PRSS21: variants seen among roughly 807,000 people sequenced by gnomAD.
The protein encoded by PRSS21 is serine protease 21.
In PRSS21, 40 loss-of-function variants were observed where a neutral mutation model predicts 31.1. The observed-to-expected ratio is 1.29, with a 90% CI of 1.00 to 1.68. The LOEUF (loss-of-function observed/expected upper bound fraction) is 1.68, where lower values mean the gene tolerates loss of function less well. PRSS21 is among the 40% of genes most tolerant of loss of function. The pLI, the probability that PRSS21 is intolerant of heterozygous loss-of-function variation, is 0.00. For synonymous variants in PRSS21, 186 were observed against 167.7 expected (o/e 1.11, Z -0.84); for missense variants, 467 against 412.6 (o/e 1.13, Z -1.14).
Position 2,818,806 on chromosome 16 carries a change from C to A in PRSS21, c.387C>A (p.Arg129=). 1 of 1,613,732 alleles carries A rather than the reference C, an allele frequency of 6.2e-7. No homozygotes were observed. The highest frequency in any genetic ancestry group is 8.5e-7 in the Non-Finnish European group (1 of 1,179,546). The change falls in exon 4 of 6, where the codon CGC becomes CGA. Residue 129 remains arginine, a synonymous_variant. Transcript: ENST00000005995. ...YFVSNIYLSP[R]YLGNSPYDIA... is the part of the protein sequence containing the mutation. ...TATCGAATATCTATCTGAGCCCTCG[C>A]TACCTGGGGAATTCACCCTATGACA...
In PRSS21 at chr16:2,817,807, G is replaced by A; in HGVS notation, c.98G>A (p.Cys33Tyr). The A allele has an allele frequency of 2.6e-6, 4 of 1,549,822 alleles. No homozygotes were observed. The highest frequency in any genetic ancestry group is 1.7e-4 in the Middle Eastern group (1 of 5,990). ...SQEAAPLSGP[C>Y]GRRVITSRIV... is the part of the protein sequence containing the mutation. ...GTTCCTCTGACCATCCGAGGACCAT[G>A]CGGCCGACGGGTCATCACGTCGCGC... is the stretch of plus-strand genomic sequence containing the variant. Residue 33 changes from cysteine to tyrosine, a missense_variant, in exon 3 of 6, where the codon TGC (cysteine) becomes TAC (tyrosine). Coordinates refer to ENST00000005995, the MANE Select transcript of PRSS21 (RefSeq NM_006799.4). This position sits in a 1 kb window ranked among gnomAD's most constrained non-coding sequence, Gnocchi z 4.2.
rs1445156211 is a variant in PRSS21 at position 2,821,703 on chromosome 16, C to T, written c.*98C>T. On this transcript the variant is annotated 3_prime_UTR_variant, in exon 6 of 6. Coordinates refer to ENST00000005995, the MANE Select transcript of PRSS21 (RefSeq NM_006799.4). ...TAAACACATTCCAGTTGATGCCTTG[C>T]AGGGCATTCTTCAAAAGCAGTGGCT... is the stretch of plus-strand genomic sequence containing the variant. 3 of 1,455,970 alleles carry T rather than the reference C, an allele frequency of 2.1e-6. No homozygotes were observed. Among genetic ancestry groups the T allele is most frequent in the Non-Finnish European group, 2.8e-6 (3 of 1,077,478 alleles). 90.2% of individuals were successfully genotyped at this position (1,455,970 alleles called of 1,614,324 possible).
chr16:2,821,035 T>C lies in PRSS21; in HGVS notation c.631T>C (p.Tyr211His), dbSNP rs757145453. The change falls in exon 5 of 6, where the codon TAC becomes CAC. Residue 211 changes from tyrosine (Y) to histidine (H), a missense_variant. By Grantham distance (83) the Tyr-to-His change is moderately conservative. Coordinates refer to ENST00000005995, the MANE Select transcript of PRSS21 (RefSeq NM_006799.4). ...NSMCNHLFLK[Y>H]SFRKDIFGDM... ...TATGTGCAACCACCTCTTCCTCAAGTACAGTTTCCGCAAGGACATCTTTGG... is the reference window on the plus strand; with the variant it reads ...TATGTGCAACCACCTCTTCCTCAAGCACAGTTTCCGCAAGGACATCTTTGG... The C allele has an allele frequency of 6.2e-7, 1 of 1,614,026 alleles. No individual in the cohort carries two copies. Among genetic ancestry groups the C allele is most frequent in the Admixed American group, 1.7e-5 (1 of 60,006 alleles).
At position 2,817,774 on chromosome 16, in the gene PRSS21, GC is replaced by G. The variant is rs1567272958; in HGVS notation, c.92-26del. On this transcript the variant is annotated intron_variant, in intron 2 of 5. Coordinates refer to ENST00000005995, the MANE Select transcript of PRSS21 (RefSeq NM_006799.4). This position sits in a 1 kb window ranked among gnomAD's most constrained non-coding sequence, Gnocchi z 4.2. ...CGGGCTTGGGGGGCTGCCTCCCGCGGCTCAGCAGTTCCTCTGACCATCCGAG... is the reference window on the plus strand; with the variant it reads ...CGGGCTTGGGGGGCTGCCTCCCGCGGTCAGCAGTTCCTCTGACCATCCGAG... 2 of 1,542,582 alleles carry G rather than the reference GC, an allele frequency of 1.3e-6. No homozygotes were observed. Among genetic ancestry groups the G allele is most frequent in the Non-Finnish European group, 1.8e-6 (2 of 1,142,592 alleles).
chr16:2,820,150 G>A (rs746972194), intron 4 of PRSS21, among the ~76,000 whole-genome samples: 2 of 152,206 alleles, frequency 1.3e-5, no homozygotes, highest in African/African-American at 2.4e-5. Flanking sequence ...TGCCCTGCGC[G>A]GGCTGGGAGG....
At position 2,821,484 on chromosome 16, in the gene PRSS21, G is replaced by A; in HGVS notation, c.824G>A (p.Ser275Asn). 1 of 1,614,242 alleles carries A rather than the reference G, an allele frequency of 6.2e-7. No individual in the cohort carries two copies. The highest frequency in any genetic ancestry group is 8.5e-7 in the Non-Finnish European group (1 of 1,180,048). Residue 275 changes from serine (S) to asparagine (N), a missense_variant, in exon 6 of 6, where the codon AGC becomes AAC. Ser to Asn is a conservative substitution (Grantham distance 46). Transcript: ENST00000005995. ...CGGCCCGGTGTCTACACCAATATCA[G>A]CCACCACTTTGAGTGGATCCAGAAG... is the stretch of plus-strand genomic sequence containing the variant. ...PNRPGVYTNISHHFEWIQKLM... is the reference protein window; with the variant it reads ...PNRPGVYTNINHHFEWIQKLM...
chr16:2,821,189 G>T (rs1020470113), intron 5 of PRSS21, 80 bp downstream of exon 5: 2 of 1,575,078 alleles, frequency 1.3e-6, no homozygotes, highest in African/African-American at 2.7e-5. Flanking sequence ...TGCCAACCCC[G>T]GGAGGTGGAG....
rs377254300 is a variant in PRSS21, at chr16:2,821,436, G to T, written c.776G>T (p.Gly259Val). The part of the protein sequence containing the change: ...LWYQIGVVSW[G>V]VGCGRPNRPG... ...TATCAGATTGGAGTCGTGAGCTGGG[G>T]AGTGGGCTGTGGTCGGCCCAATCGG... The change falls in exon 6 of 6, where the codon GGA becomes GTA. Residue 259 changes from glycine to valine, a missense_variant. Gly to Val is a moderately radical substitution (Grantham distance 109, BLOSUM62 -3). Transcript: ENST00000005995. 3.7e-6 allele frequency: 6 copies of T among 1,614,132 alleles called. No individual in the cohort carries two copies. Among genetic ancestry groups the T allele is most frequent in the Non-Finnish European group, 5.1e-6 (6 of 1,180,038 alleles).
In PRSS21 at chr16:2,821,006, A is replaced by C. The variant is rs1227296916; in HGVS notation, c.602A>C (p.Asn201Thr). 3 of 1,613,840 alleles carry C rather than the reference A, an allele frequency of 1.9e-6. No individual in the cohort carries two copies. Among genetic ancestry groups the C allele is most frequent in the East Asian group, 4.5e-5 (2 of 44,868 alleles). Reference sequence around the variant, plus strand: ...GAAGTTCAGGTCGCCATCATAAACAACTCTATGTGCAACCACCTCTTCCTC... The same window carrying C: ...GAAGTTCAGGTCGCCATCATAAACACCTCTATGTGCAACCACCTCTTCCTC... ...LQEVQVAIIN[N>T]SMCNHLFLKY... Residue 201 changes from asparagine (N) to threonine (T), a missense_variant, in exon 5 of 6, where the codon AAC becomes ACC. Physicochemically the swap from Asn to Thr is moderately conservative, Grantham distance 65. Coordinates refer to ENST00000005995, the MANE Select transcript of PRSS21 (RefSeq NM_006799.4).
intron 4 of PRSS21, 98 bp downstream of exon 4, chr16:2,819,067 C>A: frequency 1.5e-6 from 2 of 1,350,308 alleles, no homozygotes; most frequent in South Asian, 1.4e-5. Context: ...GGGGTGCAGG[C>A]TATGCCCCTC....
chr16:2,817,646 G>A lies in PRSS21; in HGVS notation c.92-155G>A, dbSNP rs2069098920. On this transcript the variant is annotated intron_variant, in intron 2 of 5. Transcript: ENST00000005995. This position sits in a 1 kb window ranked among gnomAD's most constrained non-coding sequence, Gnocchi z 4.2. ...GCGGGCCCTGCAGAGCACGTGGGAGGATCTCCAGTGTCACCTACTTCCTGC... is the reference window on the plus strand; with the variant it reads ...GCGGGCCCTGCAGAGCACGTGGGAGAATCTCCAGTGTCACCTACTTCCTGC... 1 of 1,256,202 alleles carries A rather than the reference G, an allele frequency of 8.0e-7. No individual in the cohort carries two copies. The highest frequency in any genetic ancestry group is 1.1e-6 in the Non-Finnish European group (1 of 919,552). 77.8% of individuals were successfully genotyped at this position (1,256,202 alleles called of 1,614,324 possible).
intron 5 of PRSS21, 83 bp from the exon 6 acceptor site, chr16:2,821,283 G>T: frequency 6.4e-7 from 1 of 1,565,160 alleles, no homozygotes; most frequent in Non-Finnish European, 8.7e-7. Flanking sequence ...AGTCTACCCA[G>T]CCCCATAGCC....
chr16:2,818,844 A>C lies in PRSS21; in HGVS notation c.425A>C (p.Lys142Thr). Residue 142 changes from lysine (K) to threonine (T), a missense_variant, in exon 4 of 6, where the codon AAG becomes ACG. Physicochemically the swap from Lys to Thr is moderately conservative, Grantham distance 78. Coordinates refer to ENST00000005995, the MANE Select transcript of PRSS21 (RefSeq NM_006799.4). ...GNSPYDIALV[K>T]LSAPVTYTKH... Reference sequence around the variant, plus strand: ...TCACCCTATGACATTGCCTTGGTGAAGCTGTCTGCACCTGTCACCTACACT... The same window carrying C: ...TCACCCTATGACATTGCCTTGGTGACGCTGTCTGCACCTGTCACCTACACT... The C allele has an allele frequency of 6.2e-7, 1 of 1,613,914 alleles. No individual in the cohort carries two copies. The highest frequency in any genetic ancestry group is 8.5e-7 in the Non-Finnish European group (1 of 1,179,770).
Position 2,817,724 on chromosome 16 carries a change from G to C in PRSS21, c.92-77G>C. ...GGCAAAAACGTGCTTTCCCGGACGGGGTTGAAGGGGAGAAAGGGAGAGGTC... is the reference window on the plus strand; with the variant it reads ...GGCAAAAACGTGCTTTCCCGGACGGCGTTGAAGGGGAGAAAGGGAGAGGTC... On this transcript the variant is annotated intron_variant, in intron 2 of 5. Transcript: ENST00000005995. The surrounding 1 kb of genome is among the most constrained non-coding windows in gnomAD (Gnocchi z 4.2). The C allele has an allele frequency of 4.0e-6, 6 of 1,508,120 alleles. No individual in the cohort carries two copies. The highest frequency in any genetic ancestry group is 5.3e-6 in the Non-Finnish European group (6 of 1,124,218). The allele number at this position is 1,508,120 out of a possible 1,614,324, so 93.4% of individuals were successfully genotyped here.
In PRSS21 at chr16:2,817,527, T is replaced by TGGGGGGGGGGGGGGGGGGGGGG. The variant is rs2069096086; in HGVS notation, c.91+71_91+72insGGGGGGGGGGGGGGGGGGGGGG. 1 of 605,594 alleles carries TGGGGGGGGGGGGGGGGGGGGGG rather than the reference T, an allele frequency of 1.7e-6. No individual in the cohort carries two copies. Among genetic ancestry groups the TGGGGGGGGGGGGGGGGGGGGGG allele is most frequent in the African/African-American group, 5.1e-5 (1 of 19,520 alleles). 37.5% of individuals were successfully genotyped at this position (605,594 alleles called of 1,614,324 possible). On this transcript the variant is annotated intron_variant, in intron 2 of 5. Transcript: ENST00000005995. The surrounding 1 kb of genome is among the most constrained non-coding windows in gnomAD (Gnocchi z 4.2). The stretch of plus-strand genomic sequence containing the variant: ...AGGTGGACGGGGGGCGGTGAGGGGG[T>TGGGGGGGGGGGGGGGGGGGGGG]AGAGGGGGGCCTTTACTGCTCTCTC...
In PRSS21 at chr16:2,817,944, A is replaced by ACGG. The variant is rs748590156; in HGVS notation, c.241_243dup (p.Ala81dup). 2.6e-6 allele frequency: 4 copies of ACGG among 1,549,094 alleles called. No individual in the cohort carries two copies. In the South Asian group the frequency reaches 4.8e-5, roughly 18 times the overall value. On this transcript the variant is annotated inframe_insertion, in exon 3 of 6. Transcript: ENST00000005995. This position sits in a 1 kb window ranked among gnomAD's most constrained non-coding sequence, Gnocchi z 4.2. ...CCTGCTCAGCCACCGCTGGGCACTC[A>ACGG]CGGCGGCGCACTGCTTTGAAACGTG...
At position 2,821,536 on chromosome 16, in the gene PRSS21, G is replaced by C; in HGVS notation, c.876G>C (p.Gln292His). Residue 292 changes from glutamine (Q) to histidine (H), a missense_variant, in exon 6 of 6, where the codon CAG (glutamine) becomes CAC (histidine). Coordinates refer to ENST00000005995, the MANE Select transcript of PRSS21 (RefSeq NM_006799.4). Reference sequence around the variant, plus strand: ...TGATGGCCCAGAGTGGCATGTCCCAGCCAGACCCCTCCTGGCCGCTACTCT... The same window carrying C: ...TGATGGCCCAGAGTGGCATGTCCCACCCAGACCCCTCCTGGCCGCTACTCT... The part of the protein sequence containing the change: ...QKLMAQSGMS[Q>H]PDPSWPLLFF... The C allele has an allele frequency of 6.2e-7, 1 of 1,614,210 alleles. No individual in the cohort carries two copies. Among genetic ancestry groups the C allele is most frequent in the South Asian group, 1.1e-5 (1 of 91,086 alleles).
chr16:2,817,812 C>A lies in PRSS21; in HGVS notation c.103C>A (p.Arg35=). ...EAAPLSGPCG[R]RVITSRIVGG... Reference sequence around the variant, plus strand: ...TCTGACCATCCGAGGACCATGCGGCCGACGGGTCATCACGTCGCGCATCGT... The same window carrying A: ...TCTGACCATCCGAGGACCATGCGGCAGACGGGTCATCACGTCGCGCATCGT... Residue 35 remains arginine, a synonymous_variant, in exon 3 of 6, where the codon CGA becomes AGA. Coordinates refer to ENST00000005995, the MANE Select transcript of PRSS21 (RefSeq NM_006799.4). This position sits in a 1 kb window ranked among gnomAD's most constrained non-coding sequence, Gnocchi z 4.2. 6.5e-7 allele frequency: 1 copy of A among 1,550,162 alleles called. No homozygotes were observed. Among genetic ancestry groups the A allele is most frequent in the South Asian group, 1.2e-5 (1 of 84,028 alleles).
rs1199133170 is a variant in PRSS21, at chr16:2,820,973, C to A, written c.569C>A (p.Thr190Asn). The change falls in exon 5 of 6, where the codon ACC becomes AAC. Residue 190 changes from threonine to asparagine, a missense_variant. Transcript: ENST00000005995. ...KEDEALPSPHTLQEVQVAIIN... is the reference protein window; with the variant it reads ...KEDEALPSPHNLQEVQVAIIN... ...CGCACAGCACTGCCATCTCCCCACA[C>A]CCTCCAGGAAGTTCAGGTCGCCATC... 1 of 1,613,894 alleles carries A rather than the reference C, an allele frequency of 6.2e-7. No individual in the cohort carries two copies. The highest frequency in any genetic ancestry group is 8.5e-7 in the Non-Finnish European group (1 of 1,180,006).
Sources: allele counts gnomAD v4.1 joint callset (sites outside exome capture counted in the v4.1 genomes callset), GRCh38; gene constraint gnomAD v4.1.1; non-coding constraint Gnocchi (gnomAD v3.1); transcripts MANE v1.5; gene names NCBI Gene and HGNC (gene_info 2026-07-23, HGNC 2026-07-21).